PTPRD: variants seen among roughly 807,000 people sequenced by gnomAD.
PTPRD encodes protein tyrosine phosphatase receptor type D, also known as receptor-type tyrosine-protein phosphatase delta.
A neutral mutation model predicts 214.5 loss-of-function variants in PTPRD; 34 were observed. That is an observed-to-expected ratio of 0.16 (90% CI 0.12 to 0.21). PTPRD has a LOEUF of 0.21. Among genes scored for constraint, PTPRD ranks in the 10% least tolerant of loss-of-function variants. The pLI, the probability that PTPRD is intolerant of heterozygous loss-of-function variation, is 1.00. For missense variants in PTPRD, 2,545 were observed against 2,398.7 expected, an observed-to-expected ratio of 1.06 and a Z score of -1.27; for synonymous variants, 1,128 against 845.7, an observed-to-expected ratio of 1.33 and a Z score of -5.79.
At chr9:10,315,309 G>T (rs531914498) in intron 3 of PTPRD, among the ~76,000 whole-genome samples, 1 of 151,870 alleles carries the variant, frequency 6.6e-6, no homozygotes, top group African/African-American at 2.4e-5. Context: ...TATAAAATAT[G>T]AGATATATCT....
chr9:8,595,172 GTTT>G (rs60646648), intron 14 of PTPRD, among the ~76,000 whole-genome samples: 1 of 131,612 alleles, frequency 7.6e-6, no homozygotes, highest in East Asian at 2.2e-4. Context: ...CCCTAAACCT[GTTT>G]TTTTTTTTTT....
chr9:9,885,696 G>A (rs1207167433), intron 5 of PTPRD, among the ~76,000 whole-genome samples: 1 of 152,020 alleles, frequency 6.6e-6, no homozygotes, highest in Non-Finnish European at 1.5e-5. Flanking sequence ...AAGAATGTGG[G>A]CAACCTCCAG....
intron 10 of PTPRD, among the ~76,000 whole-genome samples, chr9:9,054,799 C>T (rs747952357): frequency 2.0e-5 from 3 of 152,074 alleles, no homozygotes; most frequent in Admixed American, 6.6e-5. Flanking sequence ...GATCACAGTC[C>T]TGTAGGTCAA....
At chr9:9,585,112 C>G (rs1420196033) in intron 7 of PTPRD, among the ~76,000 whole-genome samples, 1 of 151,888 alleles carries the variant, frequency 6.6e-6, no homozygotes, top group Non-Finnish European at 1.5e-5. Flanking sequence ...ATTTTTGTTT[C>G]ATTATGTTTT....
intron 36 of PTPRD, among the ~76,000 whole-genome samples, chr9:8,398,375 A>G (rs975766263): frequency 6.6e-6 from 1 of 152,154 alleles, no homozygotes; most frequent in African/African-American, 2.4e-5. Context: ...CGTTATCAGG[A>G]AAGAGGTTCC....
intron 7 of PTPRD, among the ~76,000 whole-genome samples, chr9:9,644,732 A>C (rs2096088312): frequency 6.6e-6 from 1 of 152,080 alleles, no homozygotes; most frequent in South Asian, 2.1e-4. Context: ...ACACTGGCCC[A>C]CCAATCCCCA....
At chr9:9,560,874 T>C (rs2154292182) in intron 8 of PTPRD, among the ~76,000 whole-genome samples, 1 of 152,252 alleles carries the variant, frequency 6.6e-6, no homozygotes, top group South Asian at 2.1e-4. Context: ...CAGCAGGTTC[T>C]CCCTTGCCTT....
chr9:10,172,694 G>A (rs1259895050), intron 3 of PTPRD, among the ~76,000 whole-genome samples: 3 of 152,132 alleles, frequency 2.0e-5, no homozygotes, highest in Non-Finnish European at 4.4e-5. Context: ...AGTTGGGAAC[G>A]TTTCCAAGAA....
At chr9:8,656,168 T>C (rs1335997105) in intron 12 of PTPRD, among the ~76,000 whole-genome samples, 1 of 152,196 alleles carries the variant, frequency 6.6e-6, no homozygotes, top group East Asian at 1.9e-4. Flanking sequence ...AAGATGCATA[T>C]TCTCTGAGAC....
chr9:10,482,963 G>C (rs2099110174), intron 2 of PTPRD, among the ~76,000 whole-genome samples: 1 of 152,088 alleles, frequency 6.6e-6, no homozygotes, highest in Admixed American at 6.6e-5. Context: ...AACCAAAAAA[G>C]AGCAGAAATA....
intron 3 of PTPRD, among the ~76,000 whole-genome samples, chr9:10,225,647 T>C (rs1257648972): frequency 6.6e-6 from 1 of 152,088 alleles, no homozygotes; most frequent in African/African-American, 2.4e-5. Flanking sequence ...GCAAAAGTGT[T>C]GGAATATGCC....
At chr9:10,424,914 T>G (rs925109926) in intron 2 of PTPRD, among the ~76,000 whole-genome samples, 1 of 152,010 alleles carries the variant, frequency 6.6e-6, no homozygotes, top group Non-Finnish European at 1.5e-5. Flanking sequence ...TGAATAGTCT[T>G]ACTCTCTCCA....
At chr9:8,377,753 A>C (rs2083690052) in intron 37 of PTPRD, among the ~76,000 whole-genome samples, 1 of 152,108 alleles carries the variant, frequency 6.6e-6, no homozygotes, top group Admixed American at 6.6e-5. Context: ...ATTTAAACAA[A>C]GGCAATAAAG....
chr9:10,554,135 G>C (rs895202769), intron 2 of PTPRD, among the ~76,000 whole-genome samples: 2 of 152,062 alleles, frequency 1.3e-5, no homozygotes, highest in Non-Finnish European at 2.9e-5. Flanking sequence ...TTAATGATGA[G>C]ACCTTTTAGT....
intron 10 of PTPRD, among the ~76,000 whole-genome samples, chr9:9,057,028 G>A (rs1284231027): frequency 6.6e-6 from 1 of 152,008 alleles, no homozygotes; most frequent in African/African-American, 2.4e-5. Flanking sequence ...TTTCCTCAGG[G>A]GGGATCTGTT....
chr9:8,716,925 G>T (rs572544629), intron 12 of PTPRD, among the ~76,000 whole-genome samples: 1 of 152,242 alleles, frequency 6.6e-6, no homozygotes, highest in Admixed American at 6.5e-5. Context: ...GGGCACTCTG[G>T]GAGGCTAAGG....
chr9:8,525,069 G>A (rs201943130), intron 17 of PTPRD, 34 bp from the exon 18 acceptor site: 2 of 1,548,158 alleles, frequency 1.3e-6, no homozygotes, highest in Non-Finnish European at 1.8e-6. Context: ...CCAAAGAGAT[G>A]ATCAGAGAAG....
intron 7 of PTPRD, among the ~76,000 whole-genome samples, chr9:9,713,847 T>C (rs1466735789): frequency 6.6e-6 from 1 of 152,122 alleles, no homozygotes; most frequent in Non-Finnish European, 1.5e-5. Flanking sequence ...TGGAGAGTCT[T>C]ATTTTATAGG....
intron 3 of PTPRD, among the ~76,000 whole-genome samples, chr9:10,279,308 G>T (rs889015154): frequency 6.6e-6 from 1 of 152,102 alleles, no homozygotes; most frequent in African/African-American, 2.4e-5. Context: ...CATTAAAACA[G>T]ACATGCTTTT....
Sources: gnomAD v4.1 joint callset for allele counts (sites outside exome capture counted in the v4.1 genomes callset) on GRCh38, gnomAD v4.1.1 for gene constraint, MANE v1.5 for transcripts, NCBI Gene and HGNC (gene_info 2026-07-23, HGNC 2026-07-21) for gene names.